The following THEMIS variants were observed in gnomAD, a reference collection of about 807,000 sequenced individuals.
THEMIS encodes thymocyte selection associated, also known as protein THEMIS.
In THEMIS, 37 loss-of-function variants were observed where a neutral mutation model predicts 52.6. The observed-to-expected ratio is 0.70, with a 90% confidence interval of 0.54 to 0.93. The LOEUF (loss-of-function observed/expected upper bound fraction) is 0.93. Among genes scored for constraint, THEMIS ranks in the 40% least tolerant of loss-of-function variants. The pLI, the probability that THEMIS is intolerant of heterozygous loss-of-function variation, is 0.00. For synonymous variants in THEMIS, 292 were observed against 272.7 expected (o/e 1.07, Z -0.70); for missense variants, 808 against 763.1 (o/e 1.06, Z -0.69).
intron 4 of THEMIS, among the ~76,000 whole-genome samples, chr6:127,733,836 T>A (rs1774893133): frequency 6.6e-6 from 1 of 152,028 alleles, no homozygotes; most frequent in Non-Finnish European, 1.5e-5. Context: ...CTATATCTAG[T>A]ATATATGACA....
chr6:127,705,846 G>A (rs1314597862), downstream of THEMIS, among the ~76,000 whole-genome samples: 1 of 152,158 alleles, frequency 6.6e-6, no homozygotes, highest in African/African-American at 2.4e-5. Flanking sequence ...ATTTTTGAAG[G>A]TTCAGCTGAG....
chr6:127,855,481 A>G (rs1292434530), intron 1 of THEMIS, among the ~76,000 whole-genome samples: 1 of 151,954 alleles, frequency 6.6e-6, no homozygotes, highest in Non-Finnish European at 1.5e-5. Flanking sequence ...CTACAAACGT[A>G]TCTTCCACTA....
chr6:127,767,141 G>C (rs2114417542), intron 4 of THEMIS, among the ~76,000 whole-genome samples: 1 of 151,602 alleles, frequency 6.6e-6, no homozygotes, highest in Non-Finnish European at 1.5e-5. Flanking sequence ...ACCCAGGCTG[G>C]AGTGCAGTGG....
intron 4 of THEMIS, among the ~76,000 whole-genome samples, chr6:127,738,951 G>C (rs1022544488): frequency 6.6e-6 from 1 of 152,112 alleles, no homozygotes; most frequent in Non-Finnish European, 1.5e-5. Context: ...CAAACAGGGT[G>C]GCCTAATTAA....
the THEMIS span, among the ~76,000 whole-genome samples, chr6:127,696,802 C>T: frequency 2.0e-5 from 3 of 151,950 alleles, no homozygotes; most frequent in Non-Finnish European, 4.4e-5. Flanking sequence ...CATAGTCTTT[C>T]CTCTGTGCAT....
intron 2 of THEMIS, among the ~76,000 whole-genome samples, chr6:127,835,524 G>A (rs548310503): frequency 2.0e-5 from 3 of 152,112 alleles, no homozygotes; most frequent in Non-Finnish European, 4.4e-5. Flanking sequence ...GTACTTAACA[G>A]CTAGTAAGCA....
rs531128977 is a variant in THEMIS, at chr6:127,749,217, T to C, written c.1759-29394A>G. On this transcript the variant is annotated intron_variant, in intron 4 of 5. Coordinates refer to ENST00000368248, the MANE Select transcript of THEMIS (RefSeq NM_001010923.3). ...TTCTTTTATCTGAAAAAGCCGCTTA[T>C]TGTTACAGCTATGGCCTTCAGAGTA... is the stretch of plus-strand genomic sequence containing the variant. Among the ~76,000 whole-genome samples the C allele has an allele frequency of 1.4e-3, 207 of 152,214 alleles. 1 individual carries two copies. The highest frequency in any genetic ancestry group is 2.7e-3 in the Admixed American group (41 of 15,232).
intron 4 of THEMIS, among the ~76,000 whole-genome samples, chr6:127,741,316 T>C (rs576592588): frequency 6.6e-6 from 1 of 152,328 alleles, no homozygotes; most frequent in Non-Finnish European, 1.5e-5. Context: ...TTATTTTTAT[T>C]TTTCTTGATG....
At chr6:127,918,268 C>T (rs1781566856) in intron 1 of THEMIS, among the ~76,000 whole-genome samples, 1 of 152,116 alleles carries the variant, frequency 6.6e-6, no homozygotes, top group Non-Finnish European at 1.5e-5. Flanking sequence ...TCAACTTGAC[C>T]CTGCTGGTAA....
At chr6:127,871,852 G>GT (rs1201692990) in intron 1 of THEMIS, among the ~76,000 whole-genome samples, 5 of 151,960 alleles carry the variant, frequency 3.3e-5, no homozygotes, top group African/African-American at 9.7e-5. Context: ...TTGTTTCACT[G>GT]GAAACAATCT....
At chr6:127,766,306 T>C (rs1198551200) in intron 4 of THEMIS, among the ~76,000 whole-genome samples, 2 of 152,202 alleles carry the variant, frequency 1.3e-5, no homozygotes, top group Non-Finnish European at 2.9e-5. Context: ...TTTTGCCTGA[T>C]TGATGTTGTA....
intron 4 of THEMIS, among the ~76,000 whole-genome samples, chr6:127,806,454 A>G (rs1174862659): frequency 6.6e-6 from 1 of 152,142 alleles, no homozygotes; most frequent in East Asian, 1.9e-4. Flanking sequence ...CCCAGGTGAG[A>G]ACATTCTCAG....
intron 4 of THEMIS, among the ~76,000 whole-genome samples, chr6:127,772,603 T>C (rs1776424644): frequency 6.6e-6 from 1 of 152,144 alleles, no homozygotes; most frequent in Non-Finnish European, 1.5e-5. Flanking sequence ...TTGGATGTGA[T>C]ACTTCATTTT....
chr6:127,868,201 T>C (rs1484455784), intron 1 of THEMIS, among the ~76,000 whole-genome samples: 2 of 152,108 alleles, frequency 1.3e-5, no homozygotes, highest in Non-Finnish European at 2.9e-5. Flanking sequence ...CTGGCATCTA[T>C]TTAGGGCTTA....
At chr6:127,914,049 T>G (rs1781467867) in intron 1 of THEMIS, among the ~76,000 whole-genome samples, 1 of 152,208 alleles carries the variant, frequency 6.6e-6, no homozygotes, top group Non-Finnish European at 1.5e-5. Context: ...GGGCCCAAGT[T>G]TAAATACAAA....
intron 4 of THEMIS, among the ~76,000 whole-genome samples, chr6:127,741,587 A>G (rs926081230): frequency 1.3e-5 from 2 of 152,252 alleles, no homozygotes; most frequent in African/African-American, 4.8e-5. Flanking sequence ...AAAGTGTTCA[A>G]CTAGGTATTT....
intron 4 of THEMIS, among the ~76,000 whole-genome samples, chr6:127,748,369 G>T (rs1016185960): frequency 6.6e-6 from 1 of 151,932 alleles, no homozygotes; most frequent in African/African-American, 2.4e-5. Context: ...AGGGGGAAGT[G>T]GGCACGTGTG....
chr6:127,768,842 G>T (rs916345488), intron 4 of THEMIS, among the ~76,000 whole-genome samples: 1 of 152,092 alleles, frequency 6.6e-6, no homozygotes, highest in Non-Finnish European at 1.5e-5. Flanking sequence ...CTTTGCTTTC[G>T]ATGAACAGGC....
chr6:127,887,015 C>A (rs78808548), intron 1 of THEMIS, among the ~76,000 whole-genome samples: 2 of 151,714 alleles, frequency 1.3e-5, no homozygotes, highest in Non-Finnish European at 2.9e-5. Context: ...TACCTCCCCC[C>A]CCAAAAAATA....
Sources: allele counts gnomAD v4.1 joint callset (sites outside exome capture counted in the v4.1 genomes callset), GRCh38; gene constraint gnomAD v4.1.1; transcripts MANE v1.5; gene names NCBI Gene and HGNC (gene_info 2026-07-23, HGNC 2026-07-21).